Variants in IMMP2L observed in about 807,000 individuals in gnomAD.
IMMP2L encodes mitochondrial inner membrane protease subunit 2.
In IMMP2L, 18 loss-of-function variants were observed where a neutral mutation model predicts 19.3. The observed-to-expected ratio is 0.93, with a 90% CI of 0.64 to 1.38. IMMP2L has a LOEUF of 1.38. IMMP2L is among the 40% of genes most tolerant of loss of function. IMMP2L has a pLI of 0.00. For synonymous variants in IMMP2L, 76 were observed against 73.0 expected (o/e 1.04, Z -0.21); for missense variants, 233 against 218.2 (o/e 1.07, Z -0.43).
intron 3 of IMMP2L, among the ~76,000 whole-genome samples, chr7:111,031,934 A>ATTTCTTTTTTTTT (rs770268016): frequency 1.9e-5 from 2 of 108,070 alleles, no homozygotes; most frequent in Non-Finnish European, 3.5e-5. Context: ...AACACCAGAG[A>ATTTCTTTTTTTTT]TTTTTTTTTT....
At chr7:111,341,025 T>A (rs1826958663) in intron 3 of IMMP2L, among the ~76,000 whole-genome samples, 1 of 152,156 alleles carries the variant, frequency 6.6e-6, no homozygotes, top group African/African-American at 2.4e-5. Flanking sequence ...TTTCAAGATG[T>A]GTGCACATTT....
chr7:111,118,717 A>G (rs767245968), intron 3 of IMMP2L, among the ~76,000 whole-genome samples: 1 of 152,174 alleles, frequency 6.6e-6, no homozygotes, highest in African/African-American at 2.4e-5. Context: ...ACTAAATAGC[A>G]TATTAATGAA....
chr7:111,068,536 T>C (rs189831957), intron 3 of IMMP2L, among the ~76,000 whole-genome samples: 222 of 152,276 alleles, frequency 1.5e-3, no homozygotes, highest in African/African-American at 5.1e-3. Flanking sequence ...GCTCAAGATG[T>C]AGGGTTTAAA....
In IMMP2L at chr7:111,434,806, G is replaced by A. The variant is rs1178387247; in HGVS notation, c.239+52432C>T. ...TGACCTCCGGTGATCCACCCGCCTC[G>A]GCCTCCCAAAGTGCTGGGATTTACA... On this transcript the variant is annotated intron_variant, in intron 3 of 5. Transcript: ENST00000405709. Among the ~76,000 whole-genome samples the A allele has an allele frequency of 5.9e-5, 9 of 151,686 alleles. 1 individual carries two copies. The highest frequency in any genetic ancestry group is 2.1e-4 in the South Asian group (1 of 4,824).
intron 1 of IMMP2L, among the ~76,000 whole-genome samples, chr7:111,522,938 T>TATATATATATATATATATATATATATATA (rs199823915): frequency 2.2e-4 from 32 of 148,792 alleles, no homozygotes; most frequent in African/African-American, 7.9e-4. Context: ...TATATATATA[T>TATATATATATATATATATATATATATATA]TATTTCACCA....
At chr7:111,328,735 T>G (rs1012063624) in intron 3 of IMMP2L, among the ~76,000 whole-genome samples, 1 of 151,778 alleles carries the variant, frequency 6.6e-6, no homozygotes, top group Non-Finnish European at 1.5e-5. Context: ...GGATAATTGC[T>G]TGTCATTAAA....
At chr7:110,729,547 T>C (rs1233961288) in intron 5 of IMMP2L, among the ~76,000 whole-genome samples, 1 of 152,194 alleles carries the variant, frequency 6.6e-6, no homozygotes, top group African/African-American at 2.4e-5. Flanking sequence ...AACCAAACCA[T>C]ACTAACAGTC....
intron 3 of IMMP2L, among the ~76,000 whole-genome samples, chr7:111,281,290 A>G (rs1038292574): frequency 6.6e-6 from 1 of 151,792 alleles, no homozygotes; most frequent in Admixed American, 6.6e-5. Context: ...AAGGAAAGAA[A>G]GAAGGAAGGA....
intron 4 of IMMP2L, among the ~76,000 whole-genome samples, chr7:110,927,090 T>C (rs1814938442): frequency 1.3e-5 from 2 of 152,052 alleles, no homozygotes; most frequent in Admixed American, 6.6e-5. Flanking sequence ...AGATTCTATT[T>C]ATTTCTGCCT....
In IMMP2L at chr7:111,456,725, G is replaced by A. The variant is rs368199413; in HGVS notation, c.239+30513C>T. ...ACATAGTAACAGCAAATAAATGTTG[G>A]TAAACTAGAAACTGACTCTCACAGT... On this transcript the variant is annotated intron_variant, in intron 3 of 5. Transcript: ENST00000405709. Among the ~76,000 whole-genome samples the A allele has an allele frequency of 1.9e-4, 29 of 149,264 alleles. No individual in the cohort carries two copies. In the East Asian group the frequency reaches 4.7e-3, roughly 24 times the overall value.
chr7:110,673,709 C>T (rs1486450750), intron 5 of IMMP2L, among the ~76,000 whole-genome samples: 1 of 152,172 alleles, frequency 6.6e-6, no homozygotes, highest in Admixed American at 6.5e-5. Context: ...CAAAAGTCAT[C>T]TTTGCTCCAG....
At chr7:110,935,657 G>T (rs1168348420) in intron 4 of IMMP2L, among the ~76,000 whole-genome samples, 1 of 151,880 alleles carries the variant, frequency 6.6e-6, no homozygotes, top group Non-Finnish European at 1.5e-5. Context: ...TGCACATCAA[G>T]CTACTACTGT....
chr7:111,272,814 T>C (rs1045591514), intron 3 of IMMP2L, among the ~76,000 whole-genome samples: 14 of 152,106 alleles, frequency 9.2e-5, no homozygotes, highest in Admixed American at 6.6e-4. Flanking sequence ...GGCAGAAAGA[T>C]AGAGATTTCA....
In IMMP2L at chr7:110,727,735, C is replaced by A. The variant is rs1040088790; in HGVS notation, c.409-64014G>T. Among the ~76,000 whole-genome samples, 5 of 152,170 alleles carry A rather than the reference C, an allele frequency of 3.3e-5. No individual in the cohort carries two copies. Among genetic ancestry groups the A allele is most frequent in the Non-Finnish European group, 7.4e-5 (5 of 68,026 alleles). ...TTAAATTGAATCCGTATTCTTACCT[C>A]CGAAGCTACTGTAGAGAGTATTATT... On this transcript the variant is annotated intron_variant, in intron 5 of 5. Transcript: ENST00000405709. This position sits in a 1 kb window ranked among gnomAD's most constrained non-coding sequence, Gnocchi z 4.3.
intron 5 of IMMP2L, among the ~76,000 whole-genome samples, chr7:110,774,005 T>C (rs1270470682): frequency 6.6e-6 from 1 of 152,034 alleles, no homozygotes; most frequent in Admixed American, 6.6e-5. Context: ...TCAAATTACT[T>C]TCTTTTTGTC....
chr7:110,917,472 T>C (rs1283313877), intron 4 of IMMP2L, among the ~76,000 whole-genome samples: 1 of 152,230 alleles, frequency 6.6e-6, no homozygotes, highest in East Asian at 1.9e-4. Context: ...AGTCTTCTTA[T>C]TCAACCTTTT....
At chr7:111,079,335 T>C (rs1260326172) in intron 3 of IMMP2L, among the ~76,000 whole-genome samples, 5 of 151,924 alleles carry the variant, frequency 3.3e-5, no homozygotes, top group Non-Finnish European at 7.4e-5. Context: ...GCCGGGATGG[T>C]CTCGATCTCC....
At chr7:111,284,156 C>T (rs185358966) in intron 3 of IMMP2L, among the ~76,000 whole-genome samples, 237 of 145,216 alleles carry the variant, frequency 1.6e-3, no homozygotes, top group African/African-American at 6.0e-3. Flanking sequence ...GCTGGGAACA[C>T]TGCAGCCATC....
intron 3 of IMMP2L, among the ~76,000 whole-genome samples, chr7:111,416,606 A>G (rs1170870425): frequency 6.6e-6 from 1 of 151,846 alleles, no homozygotes; most frequent in East Asian, 1.9e-4. Context: ...CTGCTTTGAA[A>G]ACACATATTT....
Sources: gnomAD v4.1 joint callset for allele counts (sites outside exome capture counted in the v4.1 genomes callset) on GRCh38, gnomAD v4.1.1 for gene constraint, Gnocchi (gnomAD v3.1) non-coding constraint, MANE v1.5 for transcripts, NCBI Gene and HGNC (gene_info 2026-07-23, HGNC 2026-07-21) for gene names.